The following TTC29 variants were observed in gnomAD, a reference collection of about 807,000 sequenced individuals.
TTC29 encodes tetratricopeptide repeat domain 29, also known as tetratricopeptide repeat protein 29.
Under a neutral mutation model 58.1 loss-of-function variants are expected in TTC29, and 49 were observed. The ratio of observed to expected loss-of-function variants is 0.84; its 90% CI spans 0.67 to 1.07. The LOEUF is 1.07. TTC29 is among the 50% of genes least tolerant of loss of function. The pLI is 0.00. For missense variants in TTC29, 582 were observed against 555.6 expected (o/e 1.05, Z -0.48); for synonymous variants, 209 against 196.8 (o/e 1.06, Z -0.52).
chr4:146,892,128 T>G (rs1190910660), intron 6 of TTC29, among the ~76,000 whole-genome samples: 4 of 152,128 alleles, frequency 2.6e-5, no homozygotes, highest in Non-Finnish European at 5.9e-5. Context: ...GACTTCCCCC[T>G]TGCTGTTCTC....
chr4:146,836,597 G>A (rs991896866), intron 8 of TTC29, among the ~76,000 whole-genome samples: 2 of 151,882 alleles, frequency 1.3e-5, no homozygotes, highest in African/African-American at 4.8e-5. Context: ...TAAAATGAGT[G>A]GAAAAATAAC....
intron 11 of TTC29, among the ~76,000 whole-genome samples, chr4:146,726,454 GA>G (rs546644721): frequency 2.0e-5 from 3 of 151,680 alleles, no homozygotes; most frequent in Non-Finnish European, 2.9e-5. Flanking sequence ...GTCTCAAAAA[GA>G]AAAAAAATAT....
intron 9 of TTC29, among the ~76,000 whole-genome samples, chr4:146,824,562 C>CT (rs34491094): frequency 1.2e-4 from 18 of 151,320 alleles, no homozygotes; most frequent in Admixed American, 5.9e-4. Context: ...CTGAAATTTT[C>CT]TTTTTTTTTG....
At chr4:146,887,987 A>G (rs924622174) in intron 6 of TTC29, among the ~76,000 whole-genome samples, 3 of 152,044 alleles carry the variant, frequency 2.0e-5, no homozygotes, top group Non-Finnish European at 4.4e-5. Context: ...CAAAGAGAAT[A>G]TGTGCTGAGG....
chr4:146,759,723 C>T (rs1350930572), intron 11 of TTC29, among the ~76,000 whole-genome samples: 1 of 151,998 alleles, frequency 6.6e-6, no homozygotes, highest in Non-Finnish European at 1.5e-5. Flanking sequence ...AAGCATTCAA[C>T]AAAATCCAGC....
intron 11 of TTC29, among the ~76,000 whole-genome samples, chr4:146,773,113 C>A (rs1201032254): frequency 3.9e-5 from 6 of 151,992 alleles, no homozygotes; most frequent in African/African-American, 1.4e-4. Flanking sequence ...CATCAAGGAG[C>A]TTTTGGGCAG....
chr4:146,895,342 T>C (rs530774752), intron 6 of TTC29, among the ~76,000 whole-genome samples: 47 of 152,306 alleles, frequency 3.1e-4, no homozygotes, highest in African/African-American at 1.1e-3. Flanking sequence ...CCAAGATCCA[T>C]GACAAGGTAT....
At chr4:146,875,824 A>T (rs566587615) in intron 6 of TTC29, among the ~76,000 whole-genome samples, 1 of 152,308 alleles carries the variant, frequency 6.6e-6, no homozygotes, top group South Asian at 2.1e-4. Flanking sequence ...TAAAATTCCA[A>T]ATTAGCTGTA....
At chr4:146,904,331 A>G (rs1332636695) in intron 5 of TTC29, among the ~76,000 whole-genome samples, 2 of 152,204 alleles carry the variant, frequency 1.3e-5, no homozygotes, top group African/African-American at 4.8e-5. Flanking sequence ...GAAAGAGTAG[A>G]CTTCTACGCT....
At chr4:146,935,115 C>T (rs552693767) in intron 4 of TTC29, among the ~76,000 whole-genome samples, 1 of 151,986 alleles carries the variant, frequency 6.6e-6, no homozygotes, top group African/African-American at 2.4e-5. Context: ...AATTTAACTG[C>T]AGGAGGTTAA....
At chr4:146,720,045 C>T (rs1255039201) in intron 11 of TTC29, among the ~76,000 whole-genome samples, 1 of 151,882 alleles carries the variant, frequency 6.6e-6, no homozygotes, top group East Asian at 1.9e-4. Context: ...AGATTTTGTC[C>T]CTAGATGAAT....
At chr4:146,760,473 A>G (rs1746799704) in intron 11 of TTC29, among the ~76,000 whole-genome samples, 1 of 151,968 alleles carries the variant, frequency 6.6e-6, no homozygotes, top group Non-Finnish European at 1.5e-5. Context: ...GAGCCCACAT[A>G]GCCAAACCAA....
intron 11 of TTC29, among the ~76,000 whole-genome samples, chr4:146,716,748 A>G (rs1561054813): frequency 1.3e-5 from 2 of 152,176 alleles, no homozygotes; most frequent in Non-Finnish European, 2.9e-5. Context: ...TAGAAATAAC[A>G]TCTCTGAAAA....
chr4:146,858,439 A>G (rs1380405300), intron 8 of TTC29, among the ~76,000 whole-genome samples: 1 of 152,182 alleles, frequency 6.6e-6, no homozygotes. Context: ...TTCCATTAAA[A>G]TGCTCTTTTT....
chr4:146,851,990 C>T (rs548585045), intron 8 of TTC29, among the ~76,000 whole-genome samples: 1 of 152,280 alleles, frequency 6.6e-6, no homozygotes, highest in South Asian at 2.1e-4. Context: ...GACTGGAGTG[C>T]AGTGGCATGA....
intron 7 of TTC29, 138 bp downstream of exon 7, chr4:146,874,578 A>C: frequency 1.4e-6 from 1 of 721,376 alleles, no homozygotes; most frequent in Non-Finnish European, 2.3e-6. Context: ...GTGAAATTTG[A>C]AAGTAAATTG....
chr4:146,761,540 T>C (rs1746900852), intron 11 of TTC29, among the ~76,000 whole-genome samples: 1 of 151,926 alleles, frequency 6.6e-6, no homozygotes. Flanking sequence ...ATAATCAATG[T>C]TGAAATCAGA....
At chr4:146,898,692 C>T (rs943594134) in intron 6 of TTC29, among the ~76,000 whole-genome samples, 1 of 152,184 alleles carries the variant, frequency 6.6e-6, no homozygotes, top group African/African-American at 2.4e-5. Flanking sequence ...AAGAGGACAT[C>T]TAATTTTCCT....
intron 11 of TTC29, among the ~76,000 whole-genome samples, chr4:146,736,741 A>G (rs1296290827): frequency 2.0e-5 from 3 of 152,188 alleles, no homozygotes; most frequent in Non-Finnish European, 4.4e-5. Flanking sequence ...AATACTCATG[A>G]TGTCTTCAGT....
Sources: gnomAD v4.1 joint callset for allele counts (sites outside exome capture counted in the v4.1 genomes callset) on GRCh38, gnomAD v4.1.1 for gene constraint, MANE v1.5 for transcripts, NCBI Gene and HGNC (gene_info 2026-07-23, HGNC 2026-07-21) for gene names.